SGCE: variants seen among roughly 807,000 people sequenced by gnomAD.
SGCE encodes epsilon-sarcoglycan.
Under a neutral mutation model 57.8 loss-of-function variants are expected in SGCE, and 26 were observed. That is an observed-to-expected ratio of 0.45 (90% CI 0.33 to 0.62). SGCE has a LOEUF of 0.62. Ranked by LOEUF, SGCE falls within the 20% of genes least tolerant of loss-of-function variation. The pLI is 0.02. For synonymous variants in SGCE, 183 were observed against 189.5 expected, an observed-to-expected ratio of 0.97 and a Z score of 0.28; for missense variants, 468 against 548.6, an observed-to-expected ratio of 0.85 and a Z score of 1.47.
In SGCE at chr7:94,603,442, T is replaced by C; in HGVS notation, c.673A>G (p.Met225Val). The change falls in exon 6 of 11, where the codon ATG becomes GTG. Residue 225 changes from methionine to valine, a missense_variant. By Grantham distance (21) the Met-to-Val change is conservative. Transcript: ENST00000648936. ...GAAAACGGGACATCTGCACCAACCATGACATAAACGCTGTAAAAATGTGAA... is the reference window on the plus strand; with the variant it reads ...GAAAACGGGACATCTGCACCAACCACGACATAAACGCTGTAAAAATGTGAA... ...INDLKEGVYV[M>V]VGADVPFSSC... 1 of 1,613,094 alleles carries C rather than the reference T, an allele frequency of 6.2e-7. No homozygotes were observed. Among genetic ancestry groups the C allele is most frequent in the Non-Finnish European group, 8.5e-7 (1 of 1,179,344 alleles).
chr7:94,609,810 A>G (rs141170930), intron 5 of SGCE, among the ~76,000 whole-genome samples: 2 of 152,342 alleles, frequency 1.3e-5, no homozygotes, highest in East Asian at 3.9e-4. Context: ...GCAGTTTCTT[A>G]CAAAATAACA....
chr7:94,608,438 G>A (rs1800498222), intron 5 of SGCE, among the ~76,000 whole-genome samples: 1 of 152,174 alleles, frequency 6.6e-6, no homozygotes, highest in Non-Finnish European at 1.5e-5. Context: ...TAAATAAATG[G>A]AGAGATATTC....
intron 1 of SGCE, among the ~76,000 whole-genome samples, chr7:94,651,644 A>C (rs1012278091): frequency 2.0e-5 from 3 of 152,238 alleles, no homozygotes; most frequent in African/African-American, 4.8e-5. Context: ...ATATTTATGT[A>C]CACAGAACAA....
At chr7:94,652,376 G>A (rs189782124) in intron 1 of SGCE, among the ~76,000 whole-genome samples, 8 of 152,158 alleles carry the variant, frequency 5.3e-5, no homozygotes, top group Admixed American at 5.2e-4. Context: ...AAGGTGGCTG[G>A]GTATTTTGGA....
chr7:94,631,812 T>G (rs1804771089), intron 1 of SGCE, among the ~76,000 whole-genome samples: 1 of 151,954 alleles, frequency 6.6e-6, no homozygotes, highest in South Asian at 2.1e-4. Flanking sequence ...AAATTCAGGA[T>G]CACAACCCTA....
At chr7:94,601,254 G>A (rs1799171845) in intron 6 of SGCE, among the ~76,000 whole-genome samples, 1 of 151,400 alleles carries the variant, frequency 6.6e-6, no homozygotes, top group South Asian at 2.1e-4. Context: ...CCTAAAACTG[G>A]CTGAAAACCA....
At chr7:94,585,679 A>C (rs1295120303) in intron 10 of SGCE, among the ~76,000 whole-genome samples, 164 bp from the exon 11 acceptor site, 1 of 152,190 alleles carries the variant, frequency 6.6e-6, no homozygotes, top group African/African-American at 2.4e-5. Context: ...TTTAAAAAAC[A>C]GAAAACAAAA....
intron 1 of SGCE, among the ~76,000 whole-genome samples, chr7:94,645,908 T>C (rs1339347873): frequency 6.6e-6 from 1 of 152,180 alleles, no homozygotes; most frequent in Non-Finnish European, 1.5e-5. Context: ...GAAAAAAAAC[T>C]ATCATCACTA....
At chr7:94,654,836 T>G (rs141653141) in intron 1 of SGCE, among the ~76,000 whole-genome samples, 2,089 of 152,346 alleles carry the variant, frequency 0.014, 36 homozygotes, top group Admixed American at 0.04. Context: ...TTCATCTGTG[T>G]TTCAGAAACC....
At chr7:94,655,100 G>T (rs549853003) in intron 1 of SGCE, among the ~76,000 whole-genome samples, 1 of 152,284 alleles carries the variant, frequency 6.6e-6, no homozygotes, top group Non-Finnish European at 1.5e-5. Context: ...TCGGCAACCC[G>T]CTGGAAAGGA....
rs71123905 is a variant in SGCE, at chr7:94,601,443, C to CAA, written c.826-588_826-587dup. On this transcript the variant is annotated intron_variant, in intron 6 of 10. Coordinates refer to ENST00000648936, the MANE Select transcript of SGCE (RefSeq NM_003919.3). ...GTCTTACTTAATTCTATCCCAGTAT[C>CAA]AAAAAAAAAAAAAAAAAAAAAAAAA... Among the ~76,000 whole-genome samples the CAA allele has an allele frequency of 3.0e-3, 268 of 89,268 alleles. 24 individuals are homozygous for CAA. The highest frequency in any genetic ancestry group is 6.2e-3 in the East Asian group (15 of 2,412). 58.6% of individuals were successfully genotyped at this position (89,268 alleles called of 152,430 possible).
At chr7:94,630,038 C>A (rs1804438803) in intron 1 of SGCE, 197 bp from the exon 2 acceptor site, 1 of 574,756 alleles carries the variant, frequency 1.7e-6, no homozygotes. Flanking sequence ...GGAAAAAATT[C>A]TTTTGATTTG....
intron 1 of SGCE, among the ~76,000 whole-genome samples, chr7:94,642,820 A>G (rs1269555136): frequency 6.6e-6 from 1 of 152,230 alleles, no homozygotes; most frequent in East Asian, 1.9e-4. Context: ...ATGACAAGCA[A>G]CATTTAGATT....
rs1305975115 is a variant in SGCE at position 94,623,389 on chromosome 7, G to A, written c.399C>T (p.Ala133=). The change falls in exon 4 of 11, where the codon GCC becomes GCT. Residue 133 remains alanine, a synonymous_variant. Coordinates refer to ENST00000648936, the MANE Select transcript of SGCE (RefSeq NM_003919.3). ...CAGTCTCAAAGGTGCGCCTGTTGTA[G>A]GCAGTTATCTATTATAAAAGGAAAA... ...VGKPTIIEIT[A]YNRRTFETAR... 1.0e-5 allele frequency: 16 copies of A among 1,598,190 alleles called. No homozygotes were observed. The highest frequency in any genetic ancestry group is 1.4e-5 in the Non-Finnish European group (16 of 1,167,032).
chr7:94,621,021 A>C (rs1046803464), intron 4 of SGCE: 1 of 152,112 alleles, frequency 6.6e-6, no homozygotes, highest in African/African-American at 2.4e-5. Context: ...CACTTTATGT[A>C]CTCTCCTTGA....
At position 94,623,385 on chromosome 7, in the gene SGCE, T is replaced by C. The variant is rs1393024424; in HGVS notation, c.403A>G (p.Asn135Asp). Reference protein sequence around the residue: ...KPTIIEITAYNRRTFETARHN... With the variant: ...KPTIIEITAYDRRTFETARHN... Reference sequence around the variant, plus strand: ...CTTGCAGTCTCAAAGGTGCGCCTGTTGTAGGCAGTTATCTATTATAAAAGG... The same window carrying C: ...CTTGCAGTCTCAAAGGTGCGCCTGTCGTAGGCAGTTATCTATTATAAAAGG... The change falls in exon 4 of 11, where the codon AAC becomes GAC. Residue 135 changes from asparagine (N) to aspartate (D), a missense_variant. Coordinates refer to ENST00000648936, the MANE Select transcript of SGCE (RefSeq NM_003919.3). The C allele has an allele frequency of 3.7e-6, 6 of 1,601,452 alleles. No individual in the cohort carries two copies. The highest frequency in any genetic ancestry group is 1.1e-5 in the South Asian group (1 of 90,388).
At chr7:94,608,763 A>C (rs962048805) in intron 5 of SGCE, among the ~76,000 whole-genome samples, 3 of 152,198 alleles carry the variant, frequency 2.0e-5, no homozygotes, top group Non-Finnish European at 1.5e-5. Flanking sequence ...TTAGAAATAG[A>C]CCCACATAAA....
At chr7:94,605,595 T>C (rs1799994213) in intron 5 of SGCE, among the ~76,000 whole-genome samples, 1 of 152,110 alleles carries the variant, frequency 6.6e-6, no homozygotes, top group East Asian at 1.9e-4. Context: ...TAGTGTAGTG[T>C]TATTTGAAAG....
chr7:94,603,191 C>T (rs1029415284), intron 6 of SGCE, 99 bp downstream of exon 6: 1 of 919,140 alleles, frequency 1.1e-6, no homozygotes, highest in African/African-American at 1.7e-5. Context: ...TTAAAGTAAA[C>T]CTAGGATTTA....
Sources: allele counts gnomAD v4.1 joint callset (sites outside exome capture counted in the v4.1 genomes callset), GRCh38; gene constraint gnomAD v4.1.1; transcripts MANE v1.5; gene names NCBI Gene and HGNC (gene_info 2026-07-23, HGNC 2026-07-21).